The following MON2 variants were observed in gnomAD, a reference collection of about 807,000 sequenced individuals.
MON2 encodes the protein MON2 regulator of endosome-to-Golgi trafficking, also known as protein MON2 homolog.
A neutral mutation model predicts 208.6 loss-of-function variants in MON2; 84 were observed. The observed-to-expected ratio is 0.40, with a 90% CI of 0.34 to 0.48. The LOEUF (loss-of-function observed/expected upper bound fraction) is 0.48, where lower values mean the gene tolerates loss of function less well. MON2 is among the 20% of genes least tolerant of loss of function. The pLI is 0.59. For synonymous variants in MON2, 660 were observed against 694.0 expected (o/e 0.95, Z 0.77); for missense variants, 1,611 against 2,015.4 (o/e 0.80, Z 3.84).
At chr12:62,566,566 T>C in intron 29 of MON2, 116 bp downstream of exon 29, 2 of 1,063,578 alleles carry the variant, frequency 1.9e-6, no homozygotes, top group East Asian at 2.9e-5. Context: ...TTTGTAGTAT[T>C]ATTTGTAATG....
At chr12:62,499,116 G>A in intron 5 of MON2, 68 bp downstream of exon 5, 2 of 1,544,990 alleles carry the variant, frequency 1.3e-6, no homozygotes, top group Admixed American at 3.9e-5. Context: ...TTAACTTTCG[G>A]CCTTTGCTCA....
At chr12:62,555,831 G>C (rs2073946242) in intron 24 of MON2, among the ~76,000 whole-genome samples, 163 bp from the exon 25 acceptor site, 5 of 148,266 alleles carry the variant, frequency 3.4e-5, no homozygotes, top group Non-Finnish European at 1.5e-5. Context: ...AAAAAAGAAT[G>C]TATAATTACT....
At chr12:62,468,609 C>A (rs1376626161) in intron 1 of MON2, among the ~76,000 whole-genome samples, 3 of 152,076 alleles carry the variant, frequency 2.0e-5, no homozygotes, top group African/African-American at 4.8e-5. Flanking sequence ...TGATGGAAAC[C>A]AGATGTGCCA....
At position 62,535,709 on chromosome 12, in the gene MON2, T is replaced by C. The variant is rs142893848; in HGVS notation, c.1900T>C (p.Ser634Pro). The C allele has an allele frequency of 6.9e-6, 11 of 1,605,474 alleles. No homozygotes were observed. In the East Asian group the frequency reaches 2.0e-4, roughly 29 times the overall value. Residue 634 changes from serine to proline, a missense_variant and splice_region_variant, in exon 14 of 35, where the codon TCA becomes CCA. Coordinates refer to ENST00000393630, the MANE Select transcript of MON2 (RefSeq NM_015026.3). ...TTTAATLSNKSYSVQGQSVMM... is the reference protein window; with the variant it reads ...TTTAATLSNKPYSVQGQSVMM... ...CACTGCAGCTACACTTTCCAACAAA[T>C]GTAAGACAGGCTTACTCAAAATTCT...
intron 23 of MON2, among the ~76,000 whole-genome samples, chr12:62,551,124 C>T (rs2073724560): frequency 6.6e-6 from 1 of 151,988 alleles, no homozygotes; most frequent in East Asian, 1.9e-4. Flanking sequence ...CTTTTCGTTT[C>T]CTTCAAGAAC....
Position 62,524,490 on chromosome 12 carries a change from AG to A in MON2, c.985-24del, listed in dbSNP as rs767096374. The stretch of plus-strand genomic sequence containing the variant: ...ATTCTTCTCTTTGATTCAAAGAAAT[AG>A]TATTAAAAATCATATATTTTTAGGT... On this transcript the variant is annotated intron_variant, in intron 8 of 34. Coordinates refer to ENST00000393630, the MANE Select transcript of MON2 (RefSeq NM_015026.3). 3 of 1,556,678 alleles carry A rather than the reference AG, an allele frequency of 1.9e-6. No homozygotes were observed. In the Admixed American group the frequency reaches 5.0e-5, roughly 26 times the overall value.
intron 11 of MON2, among the ~76,000 whole-genome samples, 164 bp from the exon 12 acceptor site, chr12:62,532,274 A>G (rs1000999838): frequency 1.3e-5 from 2 of 152,214 alleles, no homozygotes; most frequent in Non-Finnish European, 2.9e-5. Context: ...TTAGAATACC[A>G]TGAAGAGATC....
At chr12:62,477,766 T>C (rs1309492642) in intron 1 of MON2, among the ~76,000 whole-genome samples, 1 of 152,068 alleles carries the variant, frequency 6.6e-6, no homozygotes, top group East Asian at 1.9e-4. Flanking sequence ...TCACCTCCAT[T>C]CCTGCGCAAG....
chr12:62,563,988 G>A (rs999781573), intron 26 of MON2, among the ~76,000 whole-genome samples: 1 of 152,048 alleles, frequency 6.6e-6, no homozygotes, highest in Non-Finnish European at 1.5e-5. Flanking sequence ...AGTCAGTAAA[G>A]AGAATTTTTA....
rs769352278 is a variant in MON2, at chr12:62,560,888, C to A, written c.3807C>A (p.Ser1269Arg). The change falls in exon 26 of 35, where the codon AGC becomes AGA. Residue 1269 changes from serine to arginine, a missense_variant. Transcript: ENST00000393630. ...ITFDKLTFIPSQPFLTALIQI... is the reference protein window; with the variant it reads ...ITFDKLTFIPRQPFLTALIQI... ...TTGATAAACTAACTTTTATTCCTAG[C>A]CAGCCTTTTCTTACAGCTTTAATTC... 1 of 1,614,006 alleles carries A rather than the reference C, an allele frequency of 6.2e-7. No individual in the cohort carries two copies. The highest frequency in any genetic ancestry group is 8.5e-7 in the Non-Finnish European group (1 of 1,179,924).
At chr12:62,476,152 G>T (rs1308876073) in intron 1 of MON2, among the ~76,000 whole-genome samples, 1 of 152,218 alleles carries the variant, frequency 6.6e-6, no homozygotes. Context: ...AGAGGTTCTA[G>T]AATAGAATGT....
intron 1 of MON2, among the ~76,000 whole-genome samples, chr12:62,475,472 ATCTTT>A (rs75132786): frequency 2.4e-5 from 3 of 124,824 alleles, no homozygotes; most frequent in Non-Finnish European, 3.6e-5. Context: ...GTGAAACTCT[ATCTTT>A]AAAAAAAAAA....
chr12:62,509,467 C>T (rs2071281955), intron 8 of MON2, among the ~76,000 whole-genome samples: 1 of 152,150 alleles, frequency 6.6e-6, no homozygotes. Context: ...CAATATTCTA[C>T]TTCCAATAAA....
intron 2 of MON2, among the ~76,000 whole-genome samples, chr12:62,487,478 G>A (rs1030038474): frequency 6.6e-6 from 1 of 152,008 alleles, no homozygotes; most frequent in African/African-American, 2.4e-5. Flanking sequence ...TTCAGCTGCT[G>A]TCAGTATACA....
At chr12:62,572,620 A>T (rs541414044) in intron 30 of MON2, among the ~76,000 whole-genome samples, 1 of 151,996 alleles carries the variant, frequency 6.6e-6, no homozygotes, top group African/African-American at 2.4e-5. Context: ...TAATTTTAAA[A>T]TTTTTTGTAG....
chr12:62,495,902 C>T (rs2070450063), intron 4 of MON2, among the ~76,000 whole-genome samples: 2 of 151,768 alleles, frequency 1.3e-5, no homozygotes. Flanking sequence ...ATCACTCCCA[C>T]CCACTTTGGA....
chr12:62,538,631 G>T (rs758437757), intron 19 of MON2, 126 bp downstream of exon 19: 3 of 670,342 alleles, frequency 4.5e-6, no homozygotes, highest in Admixed American at 2.9e-5. Flanking sequence ...TACTCTGTTG[G>T]GTTTTTACCA....
intron 20 of MON2, among the ~76,000 whole-genome samples, chr12:62,543,540 G>A (rs1247215795): frequency 6.6e-6 from 1 of 152,014 alleles, no homozygotes; most frequent in African/African-American, 2.4e-5. Flanking sequence ...GGCAGTTGGG[G>A]CATAGAGTTA....
At chr12:62,572,350 C>T (rs1473687038) in intron 30 of MON2, among the ~76,000 whole-genome samples, 2 of 152,212 alleles carry the variant, frequency 1.3e-5, no homozygotes, top group Non-Finnish European at 2.9e-5. Flanking sequence ...AGATTTAAAG[C>T]GTGCCCTTTT....
Sources: allele counts gnomAD v4.1 joint callset (sites outside exome capture counted in the v4.1 genomes callset), GRCh38; gene constraint gnomAD v4.1.1; transcripts MANE v1.5; gene names NCBI Gene and HGNC (gene_info 2026-07-23, HGNC 2026-07-21).